Variants in FBXO33 observed in about 807,000 individuals in gnomAD.
FBXO33 encodes F-box only protein 33.
Under a neutral mutation model 46.3 loss-of-function variants are expected in FBXO33, and 22 were observed. That is an observed-to-expected ratio of 0.48 (90% confidence interval 0.34 to 0.68). The LOEUF (loss-of-function observed/expected upper bound fraction) is 0.68, where lower values mean the gene tolerates loss of function less well. FBXO33 is among the 30% of genes least tolerant of loss of function. FBXO33 has a pLI of 0.01. For missense variants in FBXO33, 692 were observed against 708.8 expected (o/e 0.98, Z 0.27); for synonymous variants, 337 against 291.3 (o/e 1.16, Z -1.60).
At chr14:39,424,194 T>C (rs991230326) in intron 1 of FBXO33, among the ~76,000 whole-genome samples, 4 of 152,196 alleles carry the variant, frequency 2.6e-5, no homozygotes, top group African/African-American at 9.7e-5. Context: ...AAGAGACACC[T>C]GGCTTGCTCC....
intron 1 of FBXO33, among the ~76,000 whole-genome samples, chr14:39,410,094 A>G (rs560430854): frequency 2.0e-5 from 3 of 152,300 alleles, no homozygotes; most frequent in Admixed American, 1.3e-4. Context: ...GCAGGCATCC[A>G]TATCTTGTTT....
chr14:39,401,368 A>T lies in FBXO33; in HGVS notation c.1204T>A (p.Tyr402Asn). The change falls in exon 3 of 4, where the codon TAT becomes AAT. Residue 402 changes from tyrosine to asparagine, a missense_variant. Tyr to Asn is a moderately radical substitution (Grantham distance 143, BLOSUM62 -2). Around this residue, in one of 3 missense-constraint regions of FBXO33, gnomAD observed 186 missense variants for 246.1 expected, o/e 0.76. Coordinates refer to ENST00000298097, the MANE Select transcript of FBXO33 (RefSeq NM_203301.4). The stretch of plus-strand genomic sequence containing the variant: ...ATAGCCCCTGAAACACAAGTGATAT[A>T]GCTATCAAAATGAATCCTCTCTAGT... ...IPLERIHFDS[Y>N]ITCVSGAIVD... 6.2e-7 allele frequency: 1 copy of T among 1,614,164 alleles called. No individual in the cohort carries two copies. Among genetic ancestry groups the T allele is most frequent in the African/African-American group, 1.3e-5 (1 of 75,046 alleles).
intron 1 of FBXO33, among the ~76,000 whole-genome samples, chr14:39,410,705 T>C (rs1252666886): frequency 6.6e-6 from 1 of 152,212 alleles, no homozygotes; most frequent in Non-Finnish European, 1.5e-5. Flanking sequence ...TTCACTCTCA[T>C]TTGCTATTGG....
chr14:39,420,186 T>C (rs2075474288), intron 1 of FBXO33, among the ~76,000 whole-genome samples: 1 of 152,230 alleles, frequency 6.6e-6, no homozygotes, highest in African/African-American at 2.4e-5. Context: ...GTTCTAAATA[T>C]CTGTGGGCTT....
rs962826463 is a variant in FBXO33, at chr14:39,397,972, T to C, written c.*1544A>G. The C allele has an allele frequency of 1.3e-5, 2 of 152,652 alleles. No homozygotes were observed. The highest frequency in any genetic ancestry group is 4.8e-5 in the African/African-American group (2 of 41,462). 9.5% of individuals were successfully genotyped at this position (152,652 alleles called of 1,614,324 possible). On this transcript the variant is annotated 3_prime_UTR_variant, in exon 4 of 4. Coordinates refer to ENST00000298097, the MANE Select transcript of FBXO33 (RefSeq NM_203301.4). ...TACTGATGTACATATAAAATCCGCA[T>C]GGTATGTGCTCACTGGAGACAAAAC...
intron 1 of FBXO33, among the ~76,000 whole-genome samples, chr14:39,403,523 C>A (rs1026065053): frequency 9.2e-5 from 14 of 152,180 alleles, no homozygotes; most frequent in African/African-American, 2.9e-4. Flanking sequence ...CAAGATCATG[C>A]CACTGCACTC....
chr14:39,406,962 A>T (rs184470690), intron 1 of FBXO33, among the ~76,000 whole-genome samples: 1 of 152,206 alleles, frequency 6.6e-6, no homozygotes, highest in Non-Finnish European at 1.5e-5. Context: ...GGAAAGAAAG[A>T]AGCAGAAGTG....
rs1025466805 is a variant in FBXO33 at position 39,401,543 on chromosome 14, A to G, written c.1029T>C (p.Asn343=). ...PLQRLSLLVH[N]VSVMHKSLDN... ...CCAGAGACTTGTGCATTACAGAAAC[A>G]TTGTGAACCAGAAGAGACAGTCGTT... Residue 343 remains asparagine (N), a synonymous_variant, in exon 3 of 4, where the codon AAT becomes AAC. Transcript: ENST00000298097. The G allele has an allele frequency of 2.5e-6, 4 of 1,614,062 alleles. No individual in the cohort carries two copies. In the African/African-American group the frequency reaches 5.3e-5, roughly 22 times the overall value.
In FBXO33 at chr14:39,403,353, G is replaced by A. The variant is rs1246357638; in HGVS notation, c.600-842C>T. ...CTCACACCTGTGGTCCTGGCACTTT[G>A]GGAGACCAAGGCGGGGGGAATCGCT... On this transcript the variant is annotated intron_variant, in intron 1 of 3. Transcript: ENST00000298097. 3.4e-4 allele frequency among the ~76,000 whole-genome samples: 51 copies of A among 152,160 alleles called. 2 individuals are homozygous for A. Among genetic ancestry groups the A allele is most frequent in the Admixed American group, 3.3e-3 (50 of 15,282 alleles).
Position 39,402,442 on chromosome 14 carries a change from T to C in FBXO33, c.669A>G (p.Thr223=), listed in dbSNP as rs1300211566. ...VLQQQGSLSN[T]YLSKVDPDGK... is the part of the protein sequence containing the mutation. ...CATCAGGGTCCACCTTGCTGAGGTA[T>C]GTATTTGACAAACTTCCTTGCTGTT... Residue 223 remains threonine (T), a synonymous_variant, in exon 2 of 4, where the codon ACA becomes ACG. Coordinates refer to ENST00000298097, the MANE Select transcript of FBXO33 (RefSeq NM_203301.4). The C allele has an allele frequency of 6.3e-7, 1 of 1,582,730 alleles. No homozygotes were observed. Among genetic ancestry groups the C allele is most frequent in the Admixed American group, 1.8e-5 (1 of 57,104 alleles).
intron 1 of FBXO33, among the ~76,000 whole-genome samples, chr14:39,405,128 CAAAAA>C (rs55890131): frequency 1.7e-5 from 2 of 114,426 alleles, no homozygotes; most frequent in Admixed American, 9.0e-5. Flanking sequence ...GATTCTGTCT[CAAAAA>C]AAAAAAAAAA....
chr14:39,430,030 G>A (rs978890736), intron 1 of FBXO33, among the ~76,000 whole-genome samples: 1 of 152,220 alleles, frequency 6.6e-6, no homozygotes, highest in African/African-American at 2.4e-5. Context: ...GCATAAAAGT[G>A]CAATTTGATC....
In FBXO33 at chr14:39,432,002, C is replaced by T; in HGVS notation, c.161G>A (p.Arg54Gln). Residue 54 changes from arginine (R) to glutamine (Q), a missense_variant, in exon 1 of 4, where the codon CGG becomes CAG. This residue lies in a region of FBXO33 where 412 missense variants were observed against 370.8 expected (regional missense o/e 1.11). Coordinates refer to ENST00000298097, the MANE Select transcript of FBXO33 (RefSeq NM_203301.4). ...VLRGRPGAGS[R>Q]RRGRMALCGQ... ...GCACAGAGCCATCCGGCCCCGCCGC[C>T]GGCTGCCGGCTCCCGGCCGCCCCCG... The T allele has an allele frequency of 3.5e-6, 5 of 1,422,030 alleles. No homozygotes were observed. Among genetic ancestry groups the T allele is most frequent in the Non-Finnish European group, 4.5e-6 (5 of 1,100,352 alleles). 88.1% of individuals were successfully genotyped at this position (1,422,030 alleles called of 1,614,324 possible). A position where few individuals can be genotyped will look rare whatever the true frequency, so the allele number is the denominator to read the frequency against.
intron 1 of FBXO33, among the ~76,000 whole-genome samples, chr14:39,419,640 C>A (rs1046104400): frequency 2.0e-5 from 3 of 152,112 alleles, no homozygotes; most frequent in African/African-American, 7.2e-5. Flanking sequence ...AACTCAGTAA[C>A]CTGAGTTTAT....
chr14:39,431,452 G>GA, intron 1 of FBXO33, 112 bp downstream of exon 1: 1 of 1,541,382 alleles, frequency 6.5e-7, no homozygotes, highest in Non-Finnish European at 8.7e-7. Flanking sequence ...CGTCACTGAG[G>GA]AAGGCAACAC....
intron 1 of FBXO33, among the ~76,000 whole-genome samples, chr14:39,411,648 G>A (rs985721023): frequency 6.6e-6 from 1 of 150,750 alleles, no homozygotes; most frequent in Non-Finnish European, 1.5e-5. Flanking sequence ...TCAGCCTCCC[G>A]AGTAGCTGCG....
chr14:39,404,154 A>C (rs1231570960), intron 1 of FBXO33, among the ~76,000 whole-genome samples: 1 of 152,172 alleles, frequency 6.6e-6, no homozygotes, highest in African/African-American at 2.4e-5. Context: ...TAATTCGTTT[A>C]TTCATTTAAC....
At position 39,402,441 on chromosome 14, in the gene FBXO33, A is replaced by G; in HGVS notation, c.670T>C (p.Tyr224His). The change falls in exon 2 of 4, where the codon TAC becomes CAC. Residue 224 changes from tyrosine to histidine, a missense_variant. Tyr to His is a moderately conservative substitution (Grantham distance 83, BLOSUM62 2). This residue lies in a region of FBXO33 where 412 missense variants were observed against 370.8 expected (regional missense o/e 1.11). Coordinates refer to ENST00000298097, the MANE Select transcript of FBXO33 (RefSeq NM_203301.4). Reference sequence around the variant, plus strand: ...CCATCAGGGTCCACCTTGCTGAGGTATGTATTTGACAAACTTCCTTGCTGT... The same window carrying G: ...CCATCAGGGTCCACCTTGCTGAGGTGTGTATTTGACAAACTTCCTTGCTGT... ...LQQQGSLSNT[Y>H]LSKVDPDGKK... 1.3e-6 allele frequency: 2 copies of G among 1,583,162 alleles called. No individual in the cohort carries two copies. Among genetic ancestry groups the G allele is most frequent in the South Asian group, 1.2e-5 (1 of 85,216 alleles).
intron 1 of FBXO33, among the ~76,000 whole-genome samples, chr14:39,410,533 C>A (rs1393400929): frequency 6.6e-6 from 1 of 152,158 alleles, no homozygotes; most frequent in Admixed American, 6.5e-5. Flanking sequence ...TAGTGCTAGT[C>A]ACATAAAATG....
Sources: allele counts gnomAD v4.1 joint callset (sites outside exome capture counted in the v4.1 genomes callset), GRCh38; gene constraint gnomAD v4.1.1; regional missense constraint gnomAD v4.1.1; transcripts MANE v1.5; gene names NCBI Gene and HGNC (gene_info 2026-07-23, HGNC 2026-07-21).